The following NIPBL variants were observed in gnomAD, a reference collection of about 807,000 sequenced individuals.
NIPBL encodes NIPBL cohesin loading factor, also known as nipped-B-like protein.
In NIPBL, 19 loss-of-function variants were observed where a neutral mutation model predicts 321.8. That is an observed-to-expected ratio of 0.06 (90% CI 0.04 to 0.09). NIPBL has a LOEUF of 0.09. NIPBL is among the 10% of genes least tolerant of loss of function. The pLI, the probability that NIPBL is intolerant of heterozygous loss-of-function variation, is 1.00. For synonymous variants in NIPBL, 1,106 were observed against 1,114.1 expected (o/e 0.99, Z 0.14); for missense variants, 2,210 against 3,327.0 (o/e 0.66, Z 8.26).
Position 37,049,317 on chromosome 5 carries a change from G to T in NIPBL, c.6954+16G>T. ...TCCAGTTCAGGTAAGCATGTTTTAT[G>T]GCAGCAGCACTTACTAAAAGAGCAA... On this transcript the variant is annotated intron_variant, in intron 40 of 46. Transcript: ENST00000282516. The T allele has an allele frequency of 6.2e-7, 1 of 1,612,748 alleles. No homozygotes were observed. The highest frequency in any genetic ancestry group is 1.1e-5 in the South Asian group (1 of 91,026).
chr5:36,912,820 T>C (rs1327982245), intron 1 of NIPBL, among the ~76,000 whole-genome samples: 1 of 152,056 alleles, frequency 6.6e-6, no homozygotes, highest in Non-Finnish European at 1.5e-5. Context: ...TTTTAGAACC[T>C]TTTTTTCACT....
chr5:37,052,238 T>A, intron 41 of NIPBL, 128 bp from the exon 42 acceptor site: 1 of 750,054 alleles, frequency 1.3e-6, no homozygotes, highest in Non-Finnish European at 2.3e-6. Flanking sequence ...AGCACTTCAT[T>A]CTGTGATTCG....
chr5:36,995,920 C>T (rs919148514), intron 11 of NIPBL, 116 bp downstream of exon 11: 11 of 865,704 alleles, frequency 1.3e-5, no homozygotes, highest in Non-Finnish European at 1.8e-5. Context: ...TTCTTAATAA[C>T]ACAGTATAGT....
chr5:36,996,314 C>G lies in NIPBL; in HGVS notation c.3304+510C>G, dbSNP rs1746140411. ...CACTTGAGTTGAGTCTTGAAGGACA[C>G]GTAGGAGATAGCCAGATGAAGAAAT... On this transcript the variant is annotated intron_variant, in intron 11 of 46. Transcript: ENST00000282516. The surrounding 1 kb of genome is among the most constrained non-coding windows in gnomAD (Gnocchi z 5.0). Among the ~76,000 whole-genome samples, 1 of 152,082 alleles carries G rather than the reference C, an allele frequency of 6.6e-6. No homozygotes were observed. The highest frequency in any genetic ancestry group is 2.1e-4 in the South Asian group (1 of 4,826).
chr5:36,902,177 G>C (rs559515526), intron 1 of NIPBL, among the ~76,000 whole-genome samples: 6 of 151,642 alleles, frequency 4.0e-5, no homozygotes, highest in Non-Finnish European at 8.8e-5. Flanking sequence ...TGGATGTATC[G>C]TTTGCAAACA....
In NIPBL at chr5:37,006,600, TAATATC is replaced by T. The variant is rs890998022; in HGVS notation, c.4087+15_4087+20del. ...AGATCCTCATGGAGGTTAGTTCGTA[TAATATC>T]AAAATTATTGTAAATTTTTGCCATG... On this transcript the variant is annotated intron_variant, in intron 17 of 46. Coordinates refer to ENST00000282516, the MANE Select transcript of NIPBL (RefSeq NM_133433.4). 2 of 1,545,962 alleles carry T rather than the reference TAATATC, an allele frequency of 1.3e-6. No individual in the cohort carries two copies. The highest frequency in any genetic ancestry group is 2.7e-5 in the African/African-American group (2 of 73,432).
Position 36,985,987 on chromosome 5 carries a change from A to G in NIPBL, c.2807A>G (p.Asp936Gly). The G allele has an allele frequency of 6.2e-7, 1 of 1,614,046 alleles. No homozygotes were observed. The change falls in exon 10 of 47, where the codon GAC (aspartate) becomes GGC (glycine). Residue 936 changes from aspartate (D) to glycine (G), a missense_variant. By Grantham distance (94) the Asp-to-Gly change is moderately conservative. Around this residue, in one of 14 missense-constraint regions of NIPBL, gnomAD observed 588 missense variants for 564.1 expected, o/e 1.04. Transcript: ENST00000282516. ...SKVDTNKAHP[D>G]NKAEFPSYLL... is the part of the protein sequence containing the mutation. ...GTAGACACTAATAAAGCACACCCTG[A>G]CAATAAGGCAGAATTTCCAAGTTAT...
chr5:36,880,109 T>A (rs1386295128), intron 1 of NIPBL, among the ~76,000 whole-genome samples: 1 of 135,078 alleles, frequency 7.4e-6, no homozygotes, highest in African/African-American at 2.8e-5. Context: ...TTCTTCATAG[T>A]AATCATTATT....
chr5:37,030,474 C>T (rs1312165511), intron 32 of NIPBL, among the ~76,000 whole-genome samples: 1 of 152,168 alleles, frequency 6.6e-6, no homozygotes, highest in African/African-American at 2.4e-5. Context: ...AAAGAATGGA[C>T]TGCTGGAGTT....
chr5:36,880,747 G>C (rs1745440441), intron 1 of NIPBL, among the ~76,000 whole-genome samples: 1 of 151,956 alleles, frequency 6.6e-6, no homozygotes. Context: ...TTTTTCAGCA[G>C]TTGTCATTTA....
chr5:37,026,522 C>T (rs566409493), intron 31 of NIPBL, among the ~76,000 whole-genome samples, 195 bp downstream of exon 31: 61 of 152,272 alleles, frequency 4.0e-4, no homozygotes, highest in African/African-American at 1.3e-3. Flanking sequence ...TATAGCCCTA[C>T]TTCTTGGCAT....
chr5:37,059,036 T>C lies in NIPBL; in HGVS notation c.7556T>C (p.Ile2519Thr), dbSNP rs780046822. The C allele has an allele frequency of 6.2e-7, 1 of 1,614,210 alleles. No individual in the cohort carries two copies. The highest frequency in any genetic ancestry group is 1.1e-5 in the South Asian group (1 of 91,090). The change falls in exon 44 of 47, where the codon ATA (isoleucine) becomes ACA (threonine). Residue 2519 changes from isoleucine (I) to threonine (T), a missense_variant. Ile to Thr is a moderately conservative substitution (Grantham distance 89). Transcript: ENST00000282516. ...SDSDSDSEDD[I>T]NSVMKCLPEN... ...TCAGATTCAGATTCAGAAGACGATA[T>C]AAATTCAGTGATGAAATGTTTGCCA...
intron 1 of NIPBL, among the ~76,000 whole-genome samples, chr5:36,927,949 G>A (rs1410035957): frequency 6.6e-6 from 1 of 151,864 alleles, no homozygotes; most frequent in Non-Finnish European, 1.5e-5. Context: ...GCCTCCCGAA[G>A]TAGATTACAG....
chr5:37,056,176 A>C (rs541587464), intron 42 of NIPBL, among the ~76,000 whole-genome samples: 2 of 152,156 alleles, frequency 1.3e-5, no homozygotes, highest in Non-Finnish European at 1.5e-5. Context: ...TTTTATGTCT[A>C]CATTTTTTCA....
chr5:36,897,502 T>C (rs1294846074), intron 1 of NIPBL, among the ~76,000 whole-genome samples: 1 of 152,222 alleles, frequency 6.6e-6, no homozygotes, highest in Non-Finnish European at 1.5e-5. Flanking sequence ...AAATAATACA[T>C]GTCAACAGTG....
intron 32 of NIPBL, among the ~76,000 whole-genome samples, chr5:37,032,386 C>CGTGTGTGTGTGTGTGT (rs58831894): frequency 6.2e-4 from 77 of 123,596 alleles, no homozygotes; most frequent in East Asian, 1.0e-3. Context: ...TACATGTATA[C>CGTGTGTGTGTGTGTGT]GTGTGTGTGT....
intron 6 of NIPBL, among the ~76,000 whole-genome samples, chr5:36,969,460 C>A (rs1449839151): frequency 2.0e-5 from 3 of 152,076 alleles, no homozygotes; most frequent in African/African-American, 7.2e-5. Context: ...TAGGAACATA[C>A]CCATGGACAA....
At chr5:36,891,161 A>G (rs1387855727) in intron 1 of NIPBL, among the ~76,000 whole-genome samples, 1 of 152,034 alleles carries the variant, frequency 6.6e-6, no homozygotes, top group Non-Finnish European at 1.5e-5. Context: ...GCTGCTTGGG[A>G]GGCTGAGGCA....
In NIPBL at chr5:36,985,014, G is replaced by A. The variant is rs1405125302; in HGVS notation, c.1834G>A (p.Glu612Lys). Residue 612 changes from glutamate (E) to lysine (K), a missense_variant, in exon 10 of 47, where the codon GAA becomes AAA. By Grantham distance (56) the Glu-to-Lys change is moderately conservative (BLOSUM62 1). This residue lies in a region of NIPBL where 588 missense variants were observed against 564.1 expected (regional missense o/e 1.04). Transcript: ENST00000282516. ...GTCTGATCCTGAGCTTTCAAAGAGT[G>A]AAATGAAACAAAGTGAAAGTAGATT... ...KKSDPELSKS[E>K]MKQSESRLAE... 1 of 1,613,744 alleles carries A rather than the reference G, an allele frequency of 6.2e-7. No individual in the cohort carries two copies. The highest frequency in any genetic ancestry group is 1.3e-5 in the African/African-American group (1 of 74,904).
Sources: gnomAD v4.1 joint callset for allele counts (sites outside exome capture counted in the v4.1 genomes callset) on GRCh38, gnomAD v4.1.1 for gene constraint, gnomAD v4.1.1 regional missense constraint, Gnocchi (gnomAD v3.1) non-coding constraint, MANE v1.5 for transcripts, NCBI Gene and HGNC (gene_info 2026-07-23, HGNC 2026-07-21) for gene names.